PICALM: variants seen among roughly 807,000 people sequenced by gnomAD.
PICALM encodes phosphatidylinositol binding clathrin assembly protein, also known as phosphatidylinositol-binding clathrin assembly protein.
In PICALM, 40 loss-of-function variants were observed where a neutral mutation model predicts 80.5. The ratio of observed to expected loss-of-function variants is 0.50; its 90% CI spans 0.39 to 0.65. The LOEUF is 0.65. Among genes scored for constraint, PICALM ranks in the 30% least tolerant of loss-of-function variants. PICALM has a pLI of 0.00. For synonymous variants in PICALM, 288 were observed against 260.3 expected, an observed-to-expected ratio of 1.11 and a Z score of -1.02; for missense variants, 676 against 778.9, an observed-to-expected ratio of 0.87 and a Z score of 1.57.
chr11:85,968,947 AACACACACACAC>A (rs57641869), intron 19 of PICALM, among the ~76,000 whole-genome samples: 13,363 of 143,982 alleles, frequency 0.093, 686 homozygotes, highest in Admixed American at 0.13. Flanking sequence ...AAAATGACTC[AACACACACACAC>A]ACACACACAC....
chr11:86,058,876 C>A (rs2096310337), intron 1 of PICALM, among the ~76,000 whole-genome samples: 1 of 152,122 alleles, frequency 6.6e-6, no homozygotes, highest in Non-Finnish European at 1.5e-5. Context: ...TATTTCTGGT[C>A]CTCTGTTTAA....
At chr11:86,005,609 G>C (rs570602613) in intron 8 of PICALM, among the ~76,000 whole-genome samples, 10 of 152,220 alleles carry the variant, frequency 6.6e-5, no homozygotes, top group African/African-American at 2.4e-4. Context: ...GGAGGCTGAG[G>C]TGGGAGGATT....
At position 86,031,366 on chromosome 11, in the gene PICALM, T is replaced by C. The variant is rs183261368; in HGVS notation, c.273+103A>G. On this transcript the variant is annotated intron_variant, in intron 2 of 19. Transcript: ENST00000393346. Reference sequence around the variant, plus strand: ...ATAATTATATTTCTGGCTAGGCACCTTGACCTTTGTACCTGGGAGCTGTTT... The same window carrying C: ...ATAATTATATTTCTGGCTAGGCACCCTGACCTTTGTACCTGGGAGCTGTTT... 4,421 of 837,318 alleles carry C rather than the reference T, an allele frequency of 5.3e-3. 24 individuals carry two copies. Among genetic ancestry groups the C allele is most frequent in the Middle Eastern group, 7.4e-3 (21 of 2,836 alleles). The allele number at this position is 837,318 out of a possible 1,614,324, so 51.9% of individuals were successfully genotyped here.
At chr11:85,960,250 G>T (rs1037864945) in intron 19 of PICALM, among the ~76,000 whole-genome samples, 7 of 152,072 alleles carry the variant, frequency 4.6e-5, no homozygotes, top group African/African-American at 1.7e-4. Flanking sequence ...CAAATCAGAA[G>T]ACTATAAACT....
rs150092781 is a variant in PICALM at position 85,981,331 on chromosome 11, C to T, written c.1680-103G>A. 1.9e-3 allele frequency: 1,327 copies of T among 692,956 alleles called. 18 individuals are homozygous for T. The African/African-American group carries it at 0.021, about 11-fold the overall frequency. 42.9% of individuals were successfully genotyped at this position (692,956 alleles called of 1,614,324 possible). ...AGTAAGATAGAGACTTGAGGCTGGG[C>T]GTGGTGGCTCATGCCTGTAATCCCA... is the stretch of plus-strand genomic sequence containing the variant. On this transcript the variant is annotated intron_variant, in intron 16 of 19. Transcript: ENST00000393346.
chr11:86,008,545 G>A (rs1040262351), intron 7 of PICALM, among the ~76,000 whole-genome samples: 2 of 151,864 alleles, frequency 1.3e-5, no homozygotes, highest in East Asian at 1.9e-4. Flanking sequence ...GTTTGAACCC[G>A]GGAGGTAGAG....
At chr11:86,058,290 G>A (rs1174491706) in intron 1 of PICALM, among the ~76,000 whole-genome samples, 1 of 152,066 alleles carries the variant, frequency 6.6e-6, no homozygotes, top group Non-Finnish European at 1.5e-5. Flanking sequence ...ATAATCACGT[G>A]GGACCTATAA....
At chr11:86,046,235 A>T (rs2096069774) in intron 1 of PICALM, among the ~76,000 whole-genome samples, 1 of 152,178 alleles carries the variant, frequency 6.6e-6, no homozygotes, top group African/African-American at 2.4e-5. Context: ...GGTCCCATCC[A>T]TTTCCATGTG....
At chr11:86,052,049 A>C (rs1485723568) in intron 1 of PICALM, among the ~76,000 whole-genome samples, 1 of 152,218 alleles carries the variant, frequency 6.6e-6, no homozygotes, top group African/African-American at 2.4e-5. Context: ...AAACCAACTG[A>C]AACGGTTTGG....
In PICALM at chr11:86,011,123, A is replaced by T. The variant is rs565308397; in HGVS notation, c.672T>A (p.Asp224Glu). 1.5e-6 allele frequency: 2 copies of T among 1,378,084 alleles called. No individual in the cohort carries two copies. The highest frequency in any genetic ancestry group is 1.4e-5 in the African/African-American group (1 of 69,124). The allele number at this position is 1,378,084 out of a possible 1,614,324, so 85.4% of individuals were successfully genotyped here. A position where few individuals can be genotyped will look rare whatever the true frequency, so the allele number is the denominator to read the frequency against. The change falls in exon 7 of 20, where the codon GAT (aspartate) becomes GAA (glutamate). Residue 224 changes from aspartate (D) to glutamate (E), a missense_variant. Physicochemically the swap from Asp to Glu is conservative, Grantham distance 45 (BLOSUM62 2). Coordinates refer to ENST00000393346, the MANE Select transcript of PICALM (RefSeq NM_007166.4). ...GIINLLEKYFDMKKNQCKEGL... is the reference protein window; with the variant it reads ...GIINLLEKYFEMKKNQCKEGL... Reference sequence around the variant, plus strand: ...CTTCTTTGCATTGGTTCTTTTTCATATCAAAATATTTTTCTGACAAAATAA... The same window carrying T: ...CTTCTTTGCATTGGTTCTTTTTCATTTCAAAATATTTTTCTGACAAAATAA...
At chr11:86,068,569 G>T in intron 1 of PICALM, 82 bp downstream of exon 1, 1 of 1,357,480 alleles carries the variant, frequency 7.4e-7, no homozygotes, top group Non-Finnish European at 1.0e-6. Flanking sequence ...CAGTAGAAGG[G>T]TGAAAGACAA....
chr11:85,981,717 G>A, intron 16 of PICALM, 28 bp downstream of exon 16: 24 of 1,557,766 alleles, frequency 1.5e-5, no homozygotes, highest in Non-Finnish European at 1.9e-5. Flanking sequence ...AACACACGGA[G>A]AAAACAATGT....
intron 5 of PICALM, among the ~76,000 whole-genome samples, chr11:86,014,563 A>G (rs1283315611): frequency 1.3e-5 from 2 of 152,216 alleles, no homozygotes; most frequent in African/African-American, 4.8e-5. Flanking sequence ...TTTAAAAAAT[A>G]TCCCTGTACA....
intron 1 of PICALM, among the ~76,000 whole-genome samples, chr11:86,065,453 AAAT>A (rs2096434143): frequency 6.7e-6 from 1 of 148,806 alleles, no homozygotes. Flanking sequence ...AAAAAAAAAA[AAAT>A]TTGTTTTTTC....
chr11:86,056,352 T>C (rs1363288949), intron 1 of PICALM, among the ~76,000 whole-genome samples: 3 of 149,430 alleles, frequency 2.0e-5, no homozygotes, highest in Non-Finnish European at 3.0e-5. Flanking sequence ...GCAAAAGACC[T>C]TGAATAGATA....
intron 1 of PICALM, among the ~76,000 whole-genome samples, chr11:86,062,710 A>G (rs2096387212): frequency 6.6e-6 from 1 of 152,276 alleles, no homozygotes; most frequent in African/African-American, 2.4e-5. Context: ...TTTTAATACA[A>G]AGGCTTAGGT....
chr11:85,960,144 A>G (rs1272522423), intron 19 of PICALM, among the ~76,000 whole-genome samples: 2 of 152,212 alleles, frequency 1.3e-5, no homozygotes, highest in Admixed American at 1.3e-4. Context: ...ATATTTTTCA[A>G]TAGGGTACTA....
intron 5 of PICALM, 67 bp downstream of exon 5, chr11:86,014,803 T>C: frequency 1.6e-5 from 14 of 872,276 alleles, no homozygotes; most frequent in Non-Finnish European, 2.4e-5. Context: ...AAACTTGAGG[T>C]TAAAAATTCT....
In PICALM at chr11:86,003,347, C is replaced by A; in HGVS notation, c.893+19G>T. On this transcript the variant is annotated intron_variant, in intron 9 of 19. Coordinates refer to ENST00000393346, the MANE Select transcript of PICALM (RefSeq NM_007166.4). ...CAGAAAAATCACTCTGGCTTTTTGG[C>A]CTACAAAGAATGATATACCTGCTTG... The A allele has an allele frequency of 6.8e-7, 1 of 1,470,954 alleles. No homozygotes were observed. The highest frequency in any genetic ancestry group is 9.4e-7 in the Non-Finnish European group (1 of 1,063,812). The allele number at this position is 1,470,954 out of a possible 1,614,324, so 91.1% of individuals were successfully genotyped here.
Sources: gnomAD v4.1 joint callset for allele counts (sites outside exome capture counted in the v4.1 genomes callset) on GRCh38, gnomAD v4.1.1 for gene constraint, MANE v1.5 for transcripts, NCBI Gene and HGNC (gene_info 2026-07-23, HGNC 2026-07-21) for gene names.